FRMPD4: variants seen among roughly 807,000 people sequenced by gnomAD.
The protein encoded by FRMPD4 is FERM and PDZ domain containing 4.
In FRMPD4, 22 loss-of-function variants were observed where a neutral mutation model predicts 94.1. The ratio of observed to expected loss-of-function variants is 0.23; its 90% CI spans 0.17 to 0.33. The LOEUF is 0.33. Among genes scored for constraint, FRMPD4 ranks in the 10% least tolerant of loss-of-function variants. The pLI, the probability that FRMPD4 is intolerant of heterozygous loss-of-function variation, is 1.00. For synonymous variants in FRMPD4, 631 were observed against 548.6 expected (o/e 1.15, Z -2.10); for missense variants, 1,111 against 1,339.9 (o/e 0.83, Z 2.67).
At chrX:11,868,135 A>G (rs1240825805) in intron 2 of FRMPD4, among the ~76,000 whole-genome samples, 1 of 112,264 alleles carries the variant, frequency 8.9e-6, no homozygotes, top group East Asian at 2.8e-4. Flanking sequence ...CCCTATCTGC[A>G]GTACATTGTC....
intron 3 of FRMPD4, among the ~76,000 whole-genome samples, chrX:12,111,065 A>G (rs1444687253): frequency 1.8e-5 from 2 of 111,797 alleles, no homozygotes; most frequent in Non-Finnish European, 3.8e-5. Flanking sequence ...ATTGGAAAAA[A>G]CTACTTTAAA....
intron 4 of FRMPD4, among the ~76,000 whole-genome samples, chrX:12,659,044 T>C (rs1244824382): frequency 5.3e-5 from 6 of 112,591 alleles, no homozygotes; most frequent in Non-Finnish European, 9.4e-5. Flanking sequence ...TCTTTCTCCC[T>C]AGAATCCCTC....
chrX:12,675,200 T>C (rs2059886075), intron 5 of FRMPD4, among the ~76,000 whole-genome samples: 1 of 112,172 alleles, frequency 8.9e-6, no homozygotes, highest in Non-Finnish European at 1.9e-5. Flanking sequence ...GACCTTCTTA[T>C]GCTTTTCAGC....
intron 3 of FRMPD4, among the ~76,000 whole-genome samples, chrX:11,890,551 C>T (rs762520135): frequency 1.8e-5 from 2 of 112,380 alleles, no homozygotes; most frequent in South Asian, 7.4e-4. Flanking sequence ...TTTTCAAAGC[C>T]TTACCCTTAG....
chrX:12,190,921 A>G (rs1234801407), intron 1 of FRMPD4, among the ~76,000 whole-genome samples: 2 of 111,933 alleles, frequency 1.8e-5, no homozygotes, highest in African/African-American at 6.5e-5. Context: ...CATTGAAATT[A>G]AAAACTTCTC....
chrX:12,041,939 A>T (rs2054758214), intron 3 of FRMPD4, among the ~76,000 whole-genome samples: 1 of 111,289 alleles, frequency 9.0e-6, no homozygotes, highest in African/African-American at 3.3e-5. Context: ...TGAATTTTGC[A>T]TTTTGCTTAT....
chrX:12,133,778 G>C (rs1188434925), upstream of FRMPD4, among the ~76,000 whole-genome samples: 1 of 111,374 alleles, frequency 9.0e-6, no homozygotes, highest in Admixed American at 9.5e-5. Context: ...CTTGCAACAG[G>C]CTCCTAAATC....
At chrX:12,276,513 A>G (rs1269463861) in intron 1 of FRMPD4, among the ~76,000 whole-genome samples, 2 of 112,412 alleles carry the variant, frequency 1.8e-5, no homozygotes, top group African/African-American at 6.5e-5. Flanking sequence ...AATAGAATGG[A>G]ATGTCTGGGT....
At chrX:11,847,834 A>G (rs1447729961) in intron 1 of FRMPD4, among the ~76,000 whole-genome samples, 1 of 90,718 alleles carries the variant, frequency 1.1e-5, no homozygotes, top group Non-Finnish European at 2.1e-5. Context: ...TTGAACAATG[A>G]GAACACATGG....
chrX:12,698,530 G>C (rs2060156155), intron 9 of FRMPD4, among the ~76,000 whole-genome samples: 1 of 110,749 alleles, frequency 9.0e-6, no homozygotes, highest in Admixed American at 9.6e-5. Flanking sequence ...CCTCTATTTA[G>C]CAAAACAGAT....
At chrX:12,341,353 T>TC (rs1303170512) in intron 1 of FRMPD4, among the ~76,000 whole-genome samples, 1 of 111,693 alleles carries the variant, frequency 9.0e-6, no homozygotes, top group African/African-American at 3.3e-5. Flanking sequence ...ATTTTTTTTT[T>TC]CTTCATGGGT....
At chrX:12,395,959 C>A in intron 1 of FRMPD4, 1 of 167,640 alleles carries the variant, frequency 6.0e-6, no homozygotes, top group Non-Finnish European at 1.2e-5. Flanking sequence ...ACATCTAAAC[C>A]CTCAAGTTCG....
intron 1 of FRMPD4, among the ~76,000 whole-genome samples, chrX:12,471,681 G>A (rs1448514657): frequency 1.8e-5 from 2 of 111,911 alleles, no homozygotes; most frequent in African/African-American, 6.5e-5. Flanking sequence ...TGACGACAAT[G>A]AGTTTTAGAT....
At chrX:12,365,991 T>G (rs924580680) in intron 1 of FRMPD4, among the ~76,000 whole-genome samples, 3 of 112,436 alleles carry the variant, frequency 2.7e-5, no homozygotes, top group African/African-American at 9.7e-5. Flanking sequence ...CCTCAAGGGT[T>G]CAGATTGGCA....
At chrX:12,481,786 A>C (rs971093326) in intron 1 of FRMPD4, among the ~76,000 whole-genome samples, 2 of 104,718 alleles carry the variant, frequency 1.9e-5, no homozygotes, top group African/African-American at 6.9e-5. Context: ...CTAAAAATAC[A>C]AAAAAATTGA....
At chrX:12,390,282 A>G (rs1328642883) in intron 1 of FRMPD4, among the ~76,000 whole-genome samples, 5 of 112,688 alleles carry the variant, frequency 4.4e-5, no homozygotes, top group South Asian at 7.3e-4. Context: ...TCTATGAAAT[A>G]TAAGTTAAAT....
At chrX:12,125,179 G>A (rs1443007080) in intron 3 of FRMPD4, among the ~76,000 whole-genome samples, 1 of 111,907 alleles carries the variant, frequency 8.9e-6, no homozygotes, top group East Asian at 2.8e-4. Flanking sequence ...CTCCTCTGCT[G>A]TGTCAACACA....
At chrX:11,908,700 T>C (rs918885603) in intron 3 of FRMPD4, among the ~76,000 whole-genome samples, 4 of 111,929 alleles carry the variant, frequency 3.6e-5, no homozygotes, top group African/African-American at 1.3e-4. Context: ...GACACGACCA[T>C]TTTACTCAGA....
At chrX:12,646,762 A>G (rs1019668374) in intron 4 of FRMPD4, among the ~76,000 whole-genome samples, 1 of 112,566 alleles carries the variant, frequency 8.9e-6, no homozygotes, top group Non-Finnish European at 1.9e-5. Flanking sequence ...TGCCAACATT[A>G]AAAATAGTAT....
Sources: gnomAD v4.1 joint callset for allele counts (sites outside exome capture counted in the v4.1 genomes callset) on GRCh38, gnomAD v4.1.1 for gene constraint, MANE v1.5 for transcripts, NCBI Gene and HGNC (gene_info 2026-07-23, HGNC 2026-07-21) for gene names.